Variants in MTREX observed in about 807,000 individuals in gnomAD.
The protein encoded by MTREX is Mtr4 exosome RNA helicase, also known as exosome RNA helicase MTR4.
A neutral mutation model predicts 135.4 loss-of-function variants in MTREX; 76 were observed. That is an observed-to-expected ratio of 0.56 (90% CI 0.47 to 0.68). The LOEUF (loss-of-function observed/expected upper bound fraction) is 0.68, where lower values mean the gene tolerates loss of function less well. Ranked by LOEUF, MTREX falls within the 30% of genes least tolerant of loss-of-function variation. The probability of loss-of-function intolerance (pLI) is 0.00; values close to 1 mark genes in which losing one functional copy is unlikely to be tolerated. For synonymous variants in MTREX, 404 were observed against 401.6 expected (o/e 1.01, Z -0.07); for missense variants, 920 against 1,262.1 (o/e 0.73, Z 4.11).
chr5:55,350,761 G>A (rs997301831), intron 12 of MTREX, among the ~76,000 whole-genome samples, 158 bp from the exon 13 acceptor site: 1 of 152,128 alleles, frequency 6.6e-6, no homozygotes, highest in African/African-American at 2.4e-5. Context: ...TTAATAATCC[G>A]TGAGAATATA....
intron 2 of MTREX, 91 bp downstream of exon 2, chr5:55,322,555 A>G (rs1159872732): frequency 1.2e-6 from 1 of 843,402 alleles, no homozygotes; most frequent in African/African-American, 1.7e-5. Flanking sequence ...CTACTTAGAT[A>G]TATGCCCGTA....
intron 3 of MTREX, among the ~76,000 whole-genome samples, chr5:55,327,374 C>A (rs1478881590): frequency 3.3e-5 from 5 of 152,006 alleles, no homozygotes; most frequent in Admixed American, 6.6e-5. Flanking sequence ...TCAAAAGTTT[C>A]TCTTTCTGTT....
At chr5:55,402,669 C>T (rs1750740028) in intron 21 of MTREX, among the ~76,000 whole-genome samples, 1 of 150,904 alleles carries the variant, frequency 6.6e-6, no homozygotes, top group Admixed American at 6.6e-5. Context: ...TAAAATACAC[C>T]AGAAAAGACT....
chr5:55,352,684 A>G (rs546087408), intron 13 of MTREX, among the ~76,000 whole-genome samples: 1 of 152,324 alleles, frequency 6.6e-6, no homozygotes, highest in South Asian at 2.1e-4. Context: ...TTAGTACTTC[A>G]GTGACTTTAC....
intron 7 of MTREX, among the ~76,000 whole-genome samples, 162 bp downstream of exon 7, chr5:55,341,933 A>T (rs1749655420): frequency 8.8e-6 from 1 of 114,112 alleles, no homozygotes; most frequent in South Asian, 2.5e-4. Context: ...TTTGAAACAG[A>T]GTTTCACTCT....
chr5:55,418,242 A>AG (rs1751003113), intron 25 of MTREX, among the ~76,000 whole-genome samples: 1 of 150,470 alleles, frequency 6.6e-6, no homozygotes, highest in African/African-American at 2.4e-5. Context: ...TCAAAAAAAA[A>AG]AAAAGAAAAA....
At chr5:55,308,197 G>A (rs752864541) in intron 1 of MTREX, 50 bp downstream of exon 1, 1 of 1,535,196 alleles carries the variant, frequency 6.5e-7, no homozygotes, top group Non-Finnish European at 8.7e-7. Context: ...TCGGTGGGGA[G>A]GAAGAAAACA....
Position 55,411,662 on chromosome 5 carries a change from A to G in MTREX, c.2751+1033A>G, listed in dbSNP as rs113171714. On this transcript the variant is annotated intron_variant, in intron 23 of 26. Transcript: ENST00000230640. Reference sequence around the variant, plus strand: ...CAGCTGTTAGTGGCAATGATAACAAATAGGACAATAATCCAAAAACAGTTT... The same window carrying G: ...CAGCTGTTAGTGGCAATGATAACAAGTAGGACAATAATCCAAAAACAGTTT... Among the ~76,000 whole-genome samples, 824 of 152,294 alleles carry G rather than the reference A, an allele frequency of 5.4e-3. 4 individuals are homozygous for G. The highest frequency in any genetic ancestry group is 0.019 in the African/African-American group (794 of 41,586).
At chr5:55,312,235 A>C (rs78130396) in intron 1 of MTREX, among the ~76,000 whole-genome samples, 2,677 of 152,296 alleles carry the variant, frequency 0.018, 30 homozygotes, top group Middle Eastern at 0.048. Context: ...GTTTACCTTG[A>C]AATACAGTTC....
At chr5:55,320,310 C>G (rs1049163335) in intron 1 of MTREX, among the ~76,000 whole-genome samples, 3 of 151,756 alleles carry the variant, frequency 2.0e-5, no homozygotes, top group African/African-American at 7.3e-5. Context: ...CTCCACCTCC[C>G]GGGTTCACAC....
chr5:55,340,169 T>C lies in MTREX; in HGVS notation c.675T>C (p.Leu225=). The C allele has an allele frequency of 6.3e-7, 1 of 1,582,764 alleles. No homozygotes were observed. Among genetic ancestry groups the C allele is most frequent in the Non-Finnish European group, 8.6e-7 (1 of 1,166,266 alleles). ...DVTINPTASC[L]VMTTEILRSM... is the part of the protein sequence containing the mutation. ...CTATTAATCCTACGGCATCTTGTCT[T>C]GTTATGACCACAGAGGTAATTCATG... The change falls in exon 6 of 27, where the codon CTT becomes CTC. Residue 225 remains leucine, a synonymous_variant. Transcript: ENST00000230640.
intron 11 of MTREX, 30 bp from the exon 12 acceptor site, chr5:55,349,543 A>C (rs749149009): frequency 1.7e-6 from 2 of 1,201,278 alleles, no homozygotes; most frequent in East Asian, 4.7e-5. Context: ...ACTCATTTTG[A>C]TATTTCTGTA....
chr5:55,353,434 G>A (rs1001267143), intron 14 of MTREX, among the ~76,000 whole-genome samples, 165 bp downstream of exon 14: 4 of 152,182 alleles, frequency 2.6e-5, no homozygotes, highest in African/African-American at 7.2e-5. Context: ...CATTTGTGGT[G>A]GCTTAGGCTT....
At chr5:55,344,872 G>C (rs1432421645) in intron 9 of MTREX, among the ~76,000 whole-genome samples, 1 of 152,040 alleles carries the variant, frequency 6.6e-6, no homozygotes, top group Non-Finnish European at 1.5e-5. Context: ...GAGAATAGGG[G>C]TTCTGGACAT....
intron 18 of MTREX, among the ~76,000 whole-genome samples, chr5:55,379,849 A>G (rs1384277282): frequency 6.6e-6 from 1 of 152,252 alleles, no homozygotes; most frequent in Non-Finnish European, 1.5e-5. Context: ...ACTTGTTTGT[A>G]AGAGAATTTT....
Position 55,308,004 on chromosome 5 carries a change from G to A in MTREX, c.-10G>A, listed in dbSNP as rs374923490. 1.9e-6 allele frequency: 3 copies of A among 1,614,136 alleles called. No individual in the cohort carries two copies. In the African/African-American group the frequency reaches 4.0e-5, roughly 22 times the overall value. On this transcript the variant is annotated 5_prime_UTR_variant, in exon 1 of 27. Transcript: ENST00000230640. ...GGTAGGAGGGAGATTTGCTCTCACT[G>A]CTCCCAAAAATGGCGGACGCATTCG...
rs1331926951 is a variant in MTREX at position 55,322,361 on chromosome 5, A to G, written c.169A>G (p.Thr57Ala). 6.2e-7 allele frequency: 1 copy of G among 1,602,040 alleles called. No homozygotes were observed. Among genetic ancestry groups the G allele is most frequent in the Non-Finnish European group, 8.5e-7 (1 of 1,173,478 alleles). ...TGATGGTAAATTACAATCAGAATCA[A>G]CTAATAATGGAAAAAATAAGAGAGA... ...RFDGKLQSES[T>A]NNGKNKRDVD... The change falls in exon 2 of 27, where the codon ACT (threonine) becomes GCT (alanine). Residue 57 changes from threonine to alanine, a missense_variant. This residue lies in a region of MTREX where 136 missense variants were observed against 126.7 expected (regional missense o/e 1.07). Transcript: ENST00000230640.
Position 55,330,249 on chromosome 5 carries a change from G to A in MTREX, c.515+1438G>A, listed in dbSNP as rs112388816. Reference sequence around the variant, plus strand: ...TGCCACCATGACTGGCTAAGTTTTTGATTATTTGTGGAGATGAAATCTCGC... The same window carrying A: ...TGCCACCATGACTGGCTAAGTTTTTAATTATTTGTGGAGATGAAATCTCGC... On this transcript the variant is annotated intron_variant, in intron 5 of 26. Coordinates refer to ENST00000230640, the MANE Select transcript of MTREX (RefSeq NM_015360.5). Among the ~76,000 whole-genome samples the A allele has an allele frequency of 5.4e-3, 825 of 151,856 alleles. 7 individuals are homozygous for A. The highest frequency in any genetic ancestry group is 0.019 in the African/African-American group (794 of 41,442).
intron 18 of MTREX, among the ~76,000 whole-genome samples, chr5:55,385,083 A>C (rs1750455958): frequency 6.6e-6 from 1 of 152,192 alleles, no homozygotes; most frequent in South Asian, 2.1e-4. Context: ...GGAAGATATT[A>C]AGAGTTGTCT....
Sources: gnomAD v4.1 joint callset for allele counts (sites outside exome capture counted in the v4.1 genomes callset) on GRCh38, gnomAD v4.1.1 for gene constraint, gnomAD v4.1.1 regional missense constraint, MANE v1.5 for transcripts, NCBI Gene and HGNC (gene_info 2026-07-23, HGNC 2026-07-21) for gene names.